RAB3GAP2: variants seen among roughly 807,000 people sequenced by gnomAD.
RAB3GAP2 encodes the protein rab3 GTPase-activating protein non-catalytic subunit.
Under a neutral mutation model 185.3 loss-of-function variants are expected in RAB3GAP2, and 87 were observed. The observed-to-expected ratio is 0.47, with a 90% confidence interval of 0.39 to 0.56. RAB3GAP2 has a LOEUF of 0.56. Among genes scored for constraint, RAB3GAP2 ranks in the 20% least tolerant of loss-of-function variants. RAB3GAP2 has a pLI of 0.00. For missense variants in RAB3GAP2, 1,492 were observed against 1,638.2 expected, an observed-to-expected ratio of 0.91 and a Z score of 1.54; for synonymous variants, 554 against 576.1, an observed-to-expected ratio of 0.96 and a Z score of 0.55.
intron 2 of RAB3GAP2, among the ~76,000 whole-genome samples, chr1:220,224,497 A>C (rs1243565932): frequency 6.6e-6 from 1 of 152,198 alleles, no homozygotes; most frequent in Non-Finnish European, 1.5e-5. Flanking sequence ...CATATATGGA[A>C]AAACCTCCAA....
rs774456466 is a variant in RAB3GAP2, at chr1:220,167,592, C to G, written c.2890G>C (p.Asp964His). 2.0e-5 allele frequency: 33 copies of G among 1,614,168 alleles called. No individual in the cohort carries two copies. In the South Asian group the frequency reaches 3.2e-4, roughly 16 times the overall value. The change falls in exon 25 of 35, where the codon GAT (aspartate) becomes CAT (histidine). Residue 964 changes from aspartate to histidine, a missense_variant. Asp to His is a moderately conservative substitution (Grantham distance 81). Coordinates refer to ENST00000358951, the MANE Select transcript of RAB3GAP2 (RefSeq NM_012414.4). The stretch of plus-strand genomic sequence containing the variant: ...TTGGGTTCATCTGGGTTTTCTGCAT[C>G]TCTTTCTTCATTAGCCAGTTTTAAT... ...EVLKLANEERDAENPDEPKEG... is the reference protein window; with the variant it reads ...EVLKLANEERHAENPDEPKEG...
At chr1:220,270,722 C>G (rs1219220233) in intron 1 of RAB3GAP2, among the ~76,000 whole-genome samples, 6 of 152,202 alleles carry the variant, frequency 3.9e-5, no homozygotes, top group Non-Finnish European at 8.8e-5. Flanking sequence ...CAATCCATTT[C>G]CCTTCTTCCA....
chr1:220,264,393 G>C (rs1418697087), intron 1 of RAB3GAP2, among the ~76,000 whole-genome samples: 2 of 151,964 alleles, frequency 1.3e-5, no homozygotes, highest in African/African-American at 2.4e-5. Context: ...TGATTAAAGG[G>C]GAGGTTTTTT....
chr1:220,268,240 T>C (rs967791236), intron 1 of RAB3GAP2, among the ~76,000 whole-genome samples: 14 of 152,242 alleles, frequency 9.2e-5, no homozygotes, highest in African/African-American at 2.9e-4. Flanking sequence ...AAAATTTCAC[T>C]GTACAAAAGT....
chr1:220,261,964 T>C (rs1300246221), intron 1 of RAB3GAP2, among the ~76,000 whole-genome samples: 1 of 151,902 alleles, frequency 6.6e-6, no homozygotes, highest in East Asian at 1.9e-4. Flanking sequence ...TTATTATTAA[T>C]CTAATTGATT....
chr1:220,170,920 A>C lies in RAB3GAP2; in HGVS notation c.2778T>G (p.Ser926=). 4 of 1,614,148 alleles carry C rather than the reference A, an allele frequency of 2.5e-6. No homozygotes were observed. The highest frequency in any genetic ancestry group is 2.5e-6 in the Non-Finnish European group (3 of 1,179,942). Residue 926 remains serine, a synonymous_variant, in exon 24 of 35, where the codon TCT becomes TCG. Coordinates refer to ENST00000358951, the MANE Select transcript of RAB3GAP2 (RefSeq NM_012414.4). ...TTCCTCCTTCTAATAACTTTTTAAC[A>C]GAAAGCCTTGGAAGTGGCTCAGCCT... The part of the protein sequence containing the change: ...SLQAEPLPRL[S]VKKLLEGGKG...
chr1:220,211,504 T>C (rs1390600799), intron 4 of RAB3GAP2: 4 of 374,770 alleles, frequency 1.1e-5, no homozygotes, highest in Non-Finnish European at 2.1e-5. Context: ...GTATTTCAAC[T>C]TGCTGGGTTT....
At chr1:220,184,714 T>C (rs558398659) in intron 18 of RAB3GAP2, among the ~76,000 whole-genome samples, 60 of 152,246 alleles carry the variant, frequency 3.9e-4, no homozygotes, top group African/African-American at 1.4e-3. Flanking sequence ...ACAATGGTGT[T>C]TGGTTTACTA....
intron 21 of RAB3GAP2, among the ~76,000 whole-genome samples, chr1:220,173,172 G>T (rs1658211413): frequency 6.6e-6 from 1 of 152,198 alleles, no homozygotes; most frequent in Non-Finnish European, 1.5e-5. Flanking sequence ...TATTGCAGAC[G>T]TGGCAGTGAG....
At chr1:220,230,904 T>C (rs1659488125) in intron 2 of RAB3GAP2, among the ~76,000 whole-genome samples, 1 of 152,182 alleles carries the variant, frequency 6.6e-6, no homozygotes, top group African/African-American at 2.4e-5. Flanking sequence ...TGGAAAGTCT[T>C]ATCATTACCT....
intron 2 of RAB3GAP2, among the ~76,000 whole-genome samples, chr1:220,215,653 A>G (rs1659179339): frequency 6.6e-6 from 1 of 152,168 alleles, no homozygotes; most frequent in African/African-American, 2.4e-5. Context: ...CCCTTTGAAC[A>G]TAAGTGATGC....
At chr1:220,153,012 ATTAT>A (rs1017083958) in intron 33 of RAB3GAP2, among the ~76,000 whole-genome samples, 169 bp downstream of exon 33, 25 of 152,340 alleles carry the variant, frequency 1.6e-4, no homozygotes, top group African/African-American at 6.0e-4. Flanking sequence ...CACTGTAGGA[ATTAT>A]TTGATTATAA....
chr1:220,263,338 T>C (rs1660174494), intron 1 of RAB3GAP2, among the ~76,000 whole-genome samples: 1 of 152,158 alleles, frequency 6.6e-6, no homozygotes, highest in Non-Finnish European at 1.5e-5. Context: ...TTCTGCTGCC[T>C]ATGCTTTTGG....
At chr1:220,215,457 G>A (rs1659173684) in intron 2 of RAB3GAP2, among the ~76,000 whole-genome samples, 9 of 151,956 alleles carry the variant, frequency 5.9e-5, no homozygotes, top group Admixed American at 5.9e-4. Flanking sequence ...TCTTATTAAT[G>A]AGAATTTAGG....
At chr1:220,253,484 G>A (rs56074233) in intron 1 of RAB3GAP2, 301,008 of 1,500,520 alleles carry the variant, frequency 0.2, 32,345 homozygotes, top group Admixed American at 0.34. Flanking sequence ...CTGACGGCGC[G>A]TCTGACGCGG....
chr1:220,185,271 G>A (rs1658488198), intron 18 of RAB3GAP2, among the ~76,000 whole-genome samples: 1 of 152,110 alleles, frequency 6.6e-6, no homozygotes, highest in Non-Finnish European at 1.5e-5. Flanking sequence ...ATCAAAAAAT[G>A]ACCAGAAAAT....
At chr1:220,160,860 G>A (rs1460090786) in intron 28 of RAB3GAP2, among the ~76,000 whole-genome samples, 1 of 152,120 alleles carries the variant, frequency 6.6e-6, no homozygotes. Flanking sequence ...AGCTCTTTGA[G>A]GGCCAGGACC....
chr1:220,167,930 T>C (rs901154325), intron 24 of RAB3GAP2, among the ~76,000 whole-genome samples: 1 of 152,184 alleles, frequency 6.6e-6, no homozygotes, highest in African/African-American at 2.4e-5. Flanking sequence ...TAAATGCACA[T>C]GCATATGTCT....
At chr1:220,225,521 G>T (rs1256339906) in intron 2 of RAB3GAP2, among the ~76,000 whole-genome samples, 2 of 152,138 alleles carry the variant, frequency 1.3e-5, no homozygotes, top group Non-Finnish European at 2.9e-5. Context: ...CTACTCACTA[G>T]ATGCACCCCC....
Sources: allele counts gnomAD v4.1 joint callset (sites outside exome capture counted in the v4.1 genomes callset), GRCh38; gene constraint gnomAD v4.1.1; transcripts MANE v1.5; gene names NCBI Gene and HGNC (gene_info 2026-07-23, HGNC 2026-07-21).